Variants in ARHGAP26 observed in about 807,000 individuals in gnomAD.
ARHGAP26 encodes the protein Rho GTPase activating protein 26, also known as rho GTPase-activating protein 26.
In ARHGAP26, 38 loss-of-function variants were observed where a neutral mutation model predicts 104.8. The ratio of observed to expected loss-of-function variants is 0.36; its 90% CI spans 0.28 to 0.48. The LOEUF is 0.48. ARHGAP26 is among the 20% of genes least tolerant of loss of function. The probability of loss-of-function intolerance (pLI) is 0.99; values close to 1 mark genes in which losing one functional copy is unlikely to be tolerated. For synonymous variants in ARHGAP26, 341 were observed against 340.0 expected, an observed-to-expected ratio of 1.00 and a Z score of -0.03; for missense variants, 704 against 947.9, an observed-to-expected ratio of 0.74 and a Z score of 3.38.
At chr5:143,117,367 G>A (rs3797075) in intron 17 of ARHGAP26, among the ~76,000 whole-genome samples, 4 of 152,182 alleles carry the variant, frequency 2.6e-5, no homozygotes, top group Admixed American at 6.5e-5. Flanking sequence ...AGAGGCTGAC[G>A]TCTAGGCCTT....
At chr5:142,902,235 C>T (rs1380594994) in intron 7 of ARHGAP26, among the ~76,000 whole-genome samples, 196 bp downstream of exon 7, 2 of 152,088 alleles carry the variant, frequency 1.3e-5, no homozygotes, top group Non-Finnish European at 1.5e-5. Context: ...TCCTCTTCTC[C>T]ATTATTTCAA....
intron 1 of ARHGAP26, among the ~76,000 whole-genome samples, chr5:142,791,941 CAAA>C (rs11397426): frequency 4.6e-5 from 3 of 65,140 alleles, no homozygotes; most frequent in Non-Finnish European, 7.1e-5. Context: ...AAACCCGTCT[CAAA>C]AAAAAAAAAA....
At chr5:143,067,028 C>T (rs1787595668) in intron 17 of ARHGAP26, among the ~76,000 whole-genome samples, 1 of 151,570 alleles carries the variant, frequency 6.6e-6, no homozygotes, top group African/African-American at 2.4e-5. Flanking sequence ...CCCTCCCCCT[C>T]CTCTGCCCCT....
intron 1 of ARHGAP26, among the ~76,000 whole-genome samples, chr5:142,812,425 C>T (rs1335164953): frequency 1.3e-5 from 2 of 151,938 alleles, no homozygotes; most frequent in African/African-American, 4.8e-5. Context: ...CAACCTCTGC[C>T]TCCTTGGGTT....
intron 12 of ARHGAP26, among the ~76,000 whole-genome samples, chr5:143,021,429 T>C (rs1322808896): frequency 1.3e-5 from 2 of 152,238 alleles, no homozygotes; most frequent in African/African-American, 4.8e-5. Context: ...TGGCCTATGT[T>C]ATTCATAATA....
chr5:143,122,569 G>A (rs1796269623), intron 18 of ARHGAP26, among the ~76,000 whole-genome samples: 2 of 152,104 alleles, frequency 1.3e-5, no homozygotes, highest in African/African-American at 4.8e-5. Flanking sequence ...TCTAGAATTG[G>A]GCAACACCTC....
At chr5:143,000,162 C>T (rs562070679) in intron 11 of ARHGAP26, among the ~76,000 whole-genome samples, 8 of 152,162 alleles carry the variant, frequency 5.3e-5, no homozygotes, top group Non-Finnish European at 1.0e-4. Flanking sequence ...AACTCTCATA[C>T]ATTATTGGTG....
chr5:143,095,007 T>G (rs1394632209), intron 17 of ARHGAP26, among the ~76,000 whole-genome samples: 1 of 152,194 alleles, frequency 6.6e-6, no homozygotes, highest in Non-Finnish European at 1.5e-5. Flanking sequence ...AATTTATATC[T>G]AACAATAAAT....
chr5:143,039,467 A>G (rs1783126718), intron 13 of ARHGAP26, among the ~76,000 whole-genome samples: 1 of 152,088 alleles, frequency 6.6e-6, no homozygotes, highest in South Asian at 2.1e-4. Flanking sequence ...TGGCCTCCCC[A>G]AAGTGCTGGG....
At chr5:143,092,671 T>C (rs1263574674) in intron 17 of ARHGAP26, among the ~76,000 whole-genome samples, 6 of 152,252 alleles carry the variant, frequency 3.9e-5, no homozygotes, top group Non-Finnish European at 5.9e-5. Context: ...TGTTACACTG[T>C]TAACTTTTAG....
intron 1 of ARHGAP26, among the ~76,000 whole-genome samples, chr5:142,776,155 G>C (rs543347200): frequency 2.0e-5 from 3 of 152,096 alleles, no homozygotes; most frequent in Non-Finnish European, 4.4e-5. Context: ...TATTTGTGGA[G>C]ATGGGGGTCT....
intron 20 of ARHGAP26, among the ~76,000 whole-genome samples, chr5:143,205,409 C>A (rs1447690611): frequency 2.6e-5 from 4 of 152,082 alleles, no homozygotes; most frequent in Non-Finnish European, 5.9e-5. Context: ...TCCGCCAGAC[C>A]GAACACTGGA....
chr5:143,104,455 G>A (rs1020642205), intron 17 of ARHGAP26, among the ~76,000 whole-genome samples: 9 of 150,546 alleles, frequency 6.0e-5, no homozygotes, highest in African/African-American at 2.2e-4. Flanking sequence ...AGGTTGCAGT[G>A]AGCCGAGATC....
Position 143,012,541 on chromosome 5 carries a change from A to ATATATATG in ARHGAP26, c.1108-1537_1108-1536insTATATGTA, listed in dbSNP as rs1562259108. ...AGAGTCACTGGAGGGATATATTTAT[A>ATATATATG]TACATACATACATATATATATATAT... On this transcript the variant is annotated intron_variant, in intron 11 of 22. Coordinates refer to ENST00000645722, the MANE Select transcript of ARHGAP26 (RefSeq NM_001135608.3). 3.2e-4 allele frequency among the ~76,000 whole-genome samples: 12 copies of ATATATATG among 37,734 alleles called. 1 individual carries two copies. Among genetic ancestry groups the ATATATATG allele is most frequent in the Admixed American group, 6.3e-4 (2 of 3,156 alleles). 24.8% of individuals were successfully genotyped at this position (37,734 alleles called of 152,430 possible).
chr5:143,213,954 G>A (rs912967361), intron 21 of ARHGAP26, 43 bp from the exon 22 acceptor site: 1 of 1,295,102 alleles, frequency 7.7e-7, no homozygotes, highest in African/African-American at 1.5e-5. Flanking sequence ...GGCTTTCTAA[G>A]GGTTTTTTCA....
chr5:143,046,414 T>C (rs1413876086), intron 14 of ARHGAP26, among the ~76,000 whole-genome samples: 2 of 152,248 alleles, frequency 1.3e-5, no homozygotes, highest in Non-Finnish European at 2.9e-5. Flanking sequence ...AAGAGGAATA[T>C]GAGAGCCAGT....
At chr5:142,900,647 T>C (rs953982307) in intron 6 of ARHGAP26, among the ~76,000 whole-genome samples, 12 of 151,922 alleles carry the variant, frequency 7.9e-5, no homozygotes, top group Non-Finnish European at 1.6e-4. Context: ...CCGTCACTTA[T>C]TATAGCTGCC....
chr5:142,951,615 C>A (rs951275000), intron 11 of ARHGAP26, among the ~76,000 whole-genome samples: 2 of 152,132 alleles, frequency 1.3e-5, no homozygotes, highest in South Asian at 2.1e-4. Flanking sequence ...AGGATCTTAT[C>A]ATCCTTTAAG....
chr5:142,957,801 A>G (rs1769505163), intron 11 of ARHGAP26, among the ~76,000 whole-genome samples: 1 of 152,254 alleles, frequency 6.6e-6, no homozygotes, highest in South Asian at 2.1e-4. Flanking sequence ...ACTTCTGCCT[A>G]TCAAAACACT....
Sources: gnomAD v4.1 joint callset for allele counts (sites outside exome capture counted in the v4.1 genomes callset) on GRCh38, gnomAD v4.1.1 for gene constraint, MANE v1.5 for transcripts, NCBI Gene and HGNC (gene_info 2026-07-23, HGNC 2026-07-21) for gene names.